PDZRN4: variants seen among roughly 807,000 people sequenced by gnomAD.
The protein encoded by PDZRN4 is PDZ domain-containing RING finger protein 4.
PDZRN4 carries 70 observed loss-of-function variants against 99.0 expected under a neutral mutation model. That is an observed-to-expected ratio of 0.71 (90% CI 0.58 to 0.86). The LOEUF (loss-of-function observed/expected upper bound fraction) is 0.86, where lower values mean the gene tolerates loss of function less well. Among genes scored for constraint, PDZRN4 ranks in the 40% least tolerant of loss-of-function variants. PDZRN4 has a pLI of 0.00. For missense variants in PDZRN4, 1,474 were observed against 1,331.2 expected, an observed-to-expected ratio of 1.11 and a Z score of -1.67; for synonymous variants, 551 against 501.6, an observed-to-expected ratio of 1.10 and a Z score of -1.32.
At chr12:41,256,284 G>A (rs1464139828) in intron 3 of PDZRN4, among the ~76,000 whole-genome samples, 1 of 151,952 alleles carries the variant, frequency 6.6e-6, no homozygotes, top group Non-Finnish European at 1.5e-5. Context: ...ACTTTCTAAG[G>A]TCCAACTATC....
intron 3 of PDZRN4, among the ~76,000 whole-genome samples, chr12:41,380,465 C>A (rs915943416): frequency 6.6e-6 from 1 of 151,934 alleles, no homozygotes; most frequent in Non-Finnish European, 1.5e-5. Flanking sequence ...TTTGTGGCAG[C>A]ATACTTTGAT....
At chr12:41,351,138 C>T (rs1951887023) in intron 3 of PDZRN4, among the ~76,000 whole-genome samples, 1 of 152,056 alleles carries the variant, frequency 6.6e-6, no homozygotes, top group African/African-American at 2.4e-5. Context: ...GTTTTACATA[C>T]AGAAATCTAG....
intron 3 of PDZRN4, among the ~76,000 whole-genome samples, chr12:41,349,696 A>G (rs1479647325): frequency 6.6e-6 from 1 of 152,026 alleles, no homozygotes; most frequent in Non-Finnish European, 1.5e-5. Context: ...ATCTTGTAAT[A>G]TAATAATGAA....
intron 3 of PDZRN4, among the ~76,000 whole-genome samples, chr12:41,467,285 G>C (rs901280466): frequency 2.6e-5 from 4 of 151,960 alleles, no homozygotes; most frequent in African/African-American, 7.3e-5. Flanking sequence ...TAATAGTATT[G>C]GTCTGAAAAA....
chr12:41,398,194 CTCT>C (rs1484642701), intron 3 of PDZRN4, among the ~76,000 whole-genome samples: 4 of 152,158 alleles, frequency 2.6e-5, no homozygotes, highest in Non-Finnish European at 5.9e-5. Flanking sequence ...ACCCCGTGTC[CTCT>C]TATTTCATTT....
intron 3 of PDZRN4, among the ~76,000 whole-genome samples, chr12:41,381,725 A>G (rs994172389): frequency 6.6e-6 from 1 of 152,156 alleles, no homozygotes; most frequent in African/African-American, 2.4e-5. Context: ...TAGTCAGTTC[A>G]TACATCTCCA....
intron 8 of PDZRN4, 139 bp downstream of exon 8, chr12:41,563,788 C>A: frequency 1.6e-6 from 1 of 626,500 alleles, no homozygotes; most frequent in South Asian, 2.2e-5. Context: ...CCCATATAAC[C>A]CACCAGATGG....
intron 5 of PDZRN4, among the ~76,000 whole-genome samples, chr12:41,518,727 G>A (rs1393379265): frequency 5.9e-5 from 9 of 151,992 alleles, no homozygotes; most frequent in African/African-American, 1.7e-4. Context: ...TTTAAAAGGA[G>A]CATGGCTTGA....
chr12:41,525,897 A>C (rs912049655), intron 5 of PDZRN4, among the ~76,000 whole-genome samples: 14 of 152,072 alleles, frequency 9.2e-5, no homozygotes, highest in African/African-American at 3.1e-4. Flanking sequence ...CATATTCTCT[A>C]TTGTCCCTTT....
At chr12:41,426,763 A>G (rs1952540657) in intron 3 of PDZRN4, among the ~76,000 whole-genome samples, 2 of 152,244 alleles carry the variant, frequency 1.3e-5, no homozygotes, top group Admixed American at 1.3e-4. Flanking sequence ...GCATATCAGA[A>G]ATTATAATGA....
chr12:41,377,647 G>A (rs1487028379), intron 3 of PDZRN4, among the ~76,000 whole-genome samples: 2 of 151,978 alleles, frequency 1.3e-5, no homozygotes, highest in Non-Finnish European at 2.9e-5. Context: ...CTGGTCAACA[G>A]AGTGAGACTC....
At chr12:41,241,402 C>T (rs1951101042) in intron 3 of PDZRN4, among the ~76,000 whole-genome samples, 1 of 144,730 alleles carries the variant, frequency 6.9e-6, no homozygotes, top group Non-Finnish European at 1.5e-5. Context: ...CAAATTAATC[C>T]AAAAAGACAG....
intron 3 of PDZRN4, among the ~76,000 whole-genome samples, chr12:41,404,657 C>A (rs1222503980): frequency 6.6e-6 from 1 of 151,500 alleles, no homozygotes; most frequent in Admixed American, 6.6e-5. Flanking sequence ...GAAAAAAAAA[C>A]TATTCTAAAA....
At chr12:41,546,663 A>G (rs146253670) in intron 5 of PDZRN4, among the ~76,000 whole-genome samples, 100 of 152,230 alleles carry the variant, frequency 6.6e-4, no homozygotes, top group Non-Finnish European at 1.3e-4. Flanking sequence ...CAAAAAAAAG[A>G]TACTACATCT....
At chr12:41,256,402 C>G (rs764004681) in intron 3 of PDZRN4, among the ~76,000 whole-genome samples, 10 of 151,982 alleles carry the variant, frequency 6.6e-5, no homozygotes, top group African/African-American at 2.4e-5. Flanking sequence ...CACTTAAATA[C>G]CTTTATCCTC....
chr12:41,437,825 C>T (rs2120457843), intron 3 of PDZRN4: 7 of 1,585,022 alleles, frequency 4.4e-6, no homozygotes, highest in Non-Finnish European at 6.0e-6. Context: ...GTCTGTGTTT[C>T]TGGACTGAAG....
Position 41,381,328 on chromosome 12 carries a change from TTCTC to T in PDZRN4, c.844-125115_844-125112del, listed in dbSNP as rs893736686. ...TTTCTGCAACTTTCTCTCTCTCTCTTTCTCTCTCTCTCTCTCCCCTCTTATTTCC... is the reference window on the plus strand; with the variant it reads ...TTTCTGCAACTTTCTCTCTCTCTCTTTCTCTCTCTCTCCCCTCTTATTTCC... On this transcript the variant is annotated intron_variant, in intron 3 of 9. Transcript: ENST00000402685. Among the ~76,000 whole-genome samples, 532 of 151,008 alleles carry T rather than the reference TTCTC, an allele frequency of 3.5e-3. 3 individuals are homozygous for T. The highest frequency in any genetic ancestry group is 0.012 in the African/African-American group (493 of 41,288).
chr12:41,493,515 T>A (rs1013127626), intron 3 of PDZRN4, among the ~76,000 whole-genome samples: 4 of 152,166 alleles, frequency 2.6e-5, no homozygotes, highest in African/African-American at 9.6e-5. Context: ...CCCTGTCTTG[T>A]TTGCTTGCTG....
intron 3 of PDZRN4, among the ~76,000 whole-genome samples, chr12:41,206,203 G>C (rs1190518928): frequency 6.6e-6 from 1 of 151,910 alleles, no homozygotes; most frequent in African/African-American, 2.4e-5. Context: ...ACACATTTAC[G>C]GGTACATTTG....
Sources: allele counts gnomAD v4.1 joint callset (sites outside exome capture counted in the v4.1 genomes callset), GRCh38; gene constraint gnomAD v4.1.1; transcripts MANE v1.5; gene names NCBI Gene and HGNC (gene_info 2026-07-23, HGNC 2026-07-21).